PTPRJ: variants seen among roughly 807,000 people sequenced by gnomAD.
PTPRJ encodes the protein protein tyrosine phosphatase receptor type J, also known as receptor-type tyrosine-protein phosphatase eta.
In PTPRJ, 129 loss-of-function variants were observed where a neutral mutation model predicts 141.3. The ratio of observed to expected loss-of-function variants is 0.91; its 90% CI spans 0.79 to 1.06. The LOEUF is 1.06. Ranked by LOEUF, PTPRJ falls within the 50% of genes least tolerant of loss-of-function variation. The probability of loss-of-function intolerance (pLI) is 0.00; values close to 1 mark genes in which losing one functional copy is unlikely to be tolerated. For synonymous variants in PTPRJ, 610 were observed against 640.5 expected (o/e 0.95, Z 0.72); for missense variants, 1,601 against 1,679.7 (o/e 0.95, Z 0.82).
intron 1 of PTPRJ, among the ~76,000 whole-genome samples, chr11:48,037,495 G>T (rs1854157395): frequency 6.6e-6 from 1 of 152,174 alleles, no homozygotes; most frequent in Non-Finnish European, 1.5e-5. Context: ...AGCAGCATAT[G>T]GAATGTTGCT....
intron 1 of PTPRJ, among the ~76,000 whole-genome samples, chr11:48,001,843 C>G (rs1854508359): frequency 6.7e-6 from 1 of 150,342 alleles, no homozygotes; most frequent in Non-Finnish European, 1.5e-5. Context: ...GCCCACAGGC[C>G]CCGGAACAGG....
At chr11:48,023,016 C>A (rs975869290) in intron 1 of PTPRJ, among the ~76,000 whole-genome samples, 4 of 151,944 alleles carry the variant, frequency 2.6e-5, no homozygotes, top group African/African-American at 9.7e-5. Context: ...TGGGTAAAAG[C>A]CGTTACAATT....
chr11:48,137,107 C>T lies in PTPRJ; in HGVS notation c.1978C>T (p.Leu660Phe). 1 of 1,610,216 alleles carries T rather than the reference C, an allele frequency of 6.2e-7. No homozygotes were observed. Among genetic ancestry groups the T allele is most frequent in the Non-Finnish European group, 8.5e-7 (1 of 1,176,432 alleles). The change falls in exon 10 of 25, where the codon CTT becomes TTT. Residue 660 changes from leucine to phenylalanine, a missense_variant. Transcript: ENST00000418331. ...CTCTCCCACGTACTCCTACTGCCTTCTTATTGAGAAGGCTGGAAATTCCAG... is the reference window on the plus strand; with the variant it reads ...CTCTCCCACGTACTCCTACTGCCTTTTTATTGAGAAGGCTGGAAATTCCAG... ...DASPTYSYCL[L>F]IEKAGNSSNA... is the part of the protein sequence containing the mutation.
intron 1 of PTPRJ, among the ~76,000 whole-genome samples, chr11:48,047,158 C>T (rs560527544): frequency 1.4e-3 from 211 of 152,026 alleles, no homozygotes; most frequent in Middle Eastern, 6.8e-3. Flanking sequence ...TCAGGTGATC[C>T]ACCTGCCTCG....
In PTPRJ at chr11:48,029,781, G is replaced by A. The variant is rs181515236; in HGVS notation, c.96+48773G>A. Among the ~76,000 whole-genome samples the A allele has an allele frequency of 2.3e-4, 35 of 152,296 alleles. 1 individual carries two copies. The highest frequency in any genetic ancestry group is 4.4e-4 in the Non-Finnish European group (30 of 68,038). On this transcript the variant is annotated intron_variant, in intron 1 of 24. Transcript: ENST00000418331. ...CTTTCCCGCCTCAAGGCTATAGTGG[G>A]TCGGCACAGTTTGTGTTTGCTAAAC...
chr11:48,148,839 A>G (rs1259496055), intron 15 of PTPRJ, among the ~76,000 whole-genome samples: 2 of 152,108 alleles, frequency 1.3e-5, no homozygotes, highest in Non-Finnish European at 2.9e-5. Flanking sequence ...TTTCTTGGCC[A>G]CAGTTACTTA....
chr11:48,146,961 G>T lies in PTPRJ; in HGVS notation c.2997G>T (p.Lys999Asn). 2 of 1,612,226 alleles carry T rather than the reference G, an allele frequency of 1.2e-6. No homozygotes were observed. Among genetic ancestry groups the T allele is most frequent in the Non-Finnish European group, 1.7e-6 (2 of 1,178,254 alleles). ...GAGGCTTCATCTTCTGGAGAAAGAA[G>T]AGGTGATATTGCTTATGCTAATAAT... is the stretch of plus-strand genomic sequence containing the variant. ...TVGGFIFWRKKRKDAKNNEVS... is the reference protein window; with the variant it reads ...TVGGFIFWRKNRKDAKNNEVS... The change falls in exon 15 of 25, where the codon AAG becomes AAT. Residue 999 changes from lysine to asparagine, a missense_variant and splice_region_variant. By Grantham distance (94) the Lys-to-Asn change is moderately conservative. Transcript: ENST00000418331.
At position 48,158,409 on chromosome 11, in the gene PTPRJ, T is replaced by A. The variant is rs1857666364; in HGVS notation, c.3439-1521T>A. Among the ~76,000 whole-genome samples, 1 of 152,032 alleles carries A rather than the reference T, an allele frequency of 6.6e-6. No homozygotes were observed. The highest frequency in any genetic ancestry group is 1.5e-5 in the Non-Finnish European group (1 of 68,012). On this transcript the variant is annotated intron_variant, in intron 21 of 24. Transcript: ENST00000418331. This position sits in a 1 kb window ranked among gnomAD's most constrained non-coding sequence, Gnocchi z 4.4. ...TGCACTAGATTCTCCATATATGTTA[T>A]TTTTTTTCTGTAACAACCCTGTGAG...
chr11:48,168,577 T>C lies in PTPRJ; in HGVS notation c.*1215T>C, dbSNP rs1194631462. On this transcript the variant is annotated 3_prime_UTR_variant, in exon 25 of 25. Transcript: ENST00000418331. ...ATATATATATATATATATATATATA[T>C]ATATACACTAAGCTCTCAAAAACAG... The C allele has an allele frequency of 2.7e-4, 32 of 120,280 alleles. No individual in the cohort carries two copies. Among genetic ancestry groups the C allele is most frequent in the African/African-American group, 8.5e-4 (27 of 31,856 alleles). 7.5% of individuals were successfully genotyped at this position (120,280 alleles called of 1,614,324 possible).
intron 1 of PTPRJ, among the ~76,000 whole-genome samples, chr11:48,059,332 AGGCT>A (rs1854853767): frequency 6.6e-6 from 1 of 152,022 alleles, no homozygotes; most frequent in East Asian, 1.9e-4. Flanking sequence ...CATGTTGGCC[AGGCT>A]GGTCTGGAAC....
At chr11:48,157,271 C>T (rs2097905108) in intron 21 of PTPRJ, among the ~76,000 whole-genome samples, 1 of 152,190 alleles carries the variant, frequency 6.6e-6, no homozygotes, top group Non-Finnish European at 1.5e-5. Context: ...CAGATGTGAG[C>T]CACCGCCCCT....
intron 1 of PTPRJ, among the ~76,000 whole-genome samples, chr11:47,999,907 A>G (rs1375610555): frequency 2.2e-5 from 3 of 137,700 alleles, no homozygotes; most frequent in Admixed American, 7.4e-5. Flanking sequence ...CCCAGGCTGG[A>G]GTGCAGTGGT....
At chr11:48,024,303 T>G (rs1274829976) in intron 1 of PTPRJ, among the ~76,000 whole-genome samples, 2 of 152,168 alleles carry the variant, frequency 1.3e-5, no homozygotes, top group Non-Finnish European at 2.9e-5. Context: ...GTTCAAGGAA[T>G]TCTCCTGTCT....
At chr11:48,154,485 C>G (rs1857556802) in intron 19 of PTPRJ, among the ~76,000 whole-genome samples, 1 of 152,160 alleles carries the variant, frequency 6.6e-6, no homozygotes, top group Non-Finnish European at 1.5e-5. Context: ...TTACATCAAA[C>G]CATTAGATGA....
At chr11:48,143,176 T>C (rs1857275148) in intron 12 of PTPRJ, 126 bp downstream of exon 12, 8 of 1,260,510 alleles carry the variant, frequency 6.3e-6, no homozygotes, top group Non-Finnish European at 8.7e-6. Context: ...GCCTATGCTG[T>C]GTACTCAGAC....
At chr11:48,056,315 C>G (rs1379173393) in intron 1 of PTPRJ, among the ~76,000 whole-genome samples, 1 of 152,216 alleles carries the variant, frequency 6.6e-6, no homozygotes, top group African/African-American at 2.4e-5. Flanking sequence ...TTTGATCCCT[C>G]TTAGTTGTGT....
intron 1 of PTPRJ, among the ~76,000 whole-genome samples, chr11:48,072,044 T>C (rs185191275): frequency 9.6e-4 from 146 of 151,878 alleles, no homozygotes; most frequent in African/African-American, 3.4e-3. Flanking sequence ...TACTTGGGAT[T>C]ACAGGCACCT....
intron 1 of PTPRJ, among the ~76,000 whole-genome samples, chr11:48,046,800 C>T (rs1854409918): frequency 6.6e-6 from 1 of 150,892 alleles, no homozygotes; most frequent in Non-Finnish European, 1.5e-5. Flanking sequence ...GTAACTTATC[C>T]CAGCTTGCAC....
Position 48,130,497 on chromosome 11 carries a change from A to G in PTPRJ, c.1396A>G (p.Ser466Gly). The part of the protein sequence containing the change: ...PVSDFRVTVV[S>G]TTEIGLAWSS... ...TTCTGACTTCCGAGTGACAGTGGTC[A>G]GCACGACGGAGATCGGCTTAGCATG... The change falls in exon 8 of 25, where the codon AGC (serine) becomes GGC (glycine). Residue 466 changes from serine (S) to glycine (G), a missense_variant. Ser to Gly is a moderately conservative substitution (Grantham distance 56, BLOSUM62 0). Transcript: ENST00000418331. The G allele has an allele frequency of 6.2e-7, 1 of 1,613,026 alleles. No homozygotes were observed. The highest frequency in any genetic ancestry group is 8.5e-7 in the Non-Finnish European group (1 of 1,179,434).
Sources: gnomAD v4.1 joint callset for allele counts (sites outside exome capture counted in the v4.1 genomes callset) on GRCh38, gnomAD v4.1.1 for gene constraint, Gnocchi (gnomAD v3.1) non-coding constraint, MANE v1.5 for transcripts, NCBI Gene and HGNC (gene_info 2026-07-23, HGNC 2026-07-21) for gene names.